Variants in THSD7A observed in about 807,000 individuals in gnomAD.
THSD7A encodes thrombospondin type-1 domain-containing protein 7A.
A neutral mutation model predicts 231.3 loss-of-function variants in THSD7A; 96 were observed. That is an observed-to-expected ratio of 0.41 (90% CI 0.35 to 0.49). THSD7A has a LOEUF of 0.49. THSD7A is among the 20% of genes least tolerant of loss of function. The pLI, the probability that THSD7A is intolerant of heterozygous loss-of-function variation, is 0.05. For missense variants in THSD7A, 2,290 were observed against 2,070.2 expected (o/e 1.11, Z -2.06); for synonymous variants, 940 against 743.3 (o/e 1.26, Z -4.30).
chr7:11,663,385 G>A (rs1480324579), intron 1 of THSD7A, among the ~76,000 whole-genome samples: 1 of 151,540 alleles, frequency 6.6e-6, no homozygotes, highest in Middle Eastern at 3.2e-3. Flanking sequence ...CAAGGAAAAT[G>A]TTTGGCCCTG....
At chr7:11,695,947 A>G (rs761056991) in intron 1 of THSD7A, among the ~76,000 whole-genome samples, 5 of 151,540 alleles carry the variant, frequency 3.3e-5, no homozygotes, top group Non-Finnish European at 7.4e-5. Context: ...CCCATGGTAA[A>G]TGATAATGAA....
chr7:11,636,009 G>A lies in THSD7A; in HGVS notation c.1022+121C>T, dbSNP rs984723825. The A allele has an allele frequency of 3.2e-5, 27 of 848,344 alleles. No homozygotes were observed. Among genetic ancestry groups the A allele is most frequent in the Non-Finnish European group, 3.8e-5 (22 of 573,160 alleles). The allele number at this position is 848,344 out of a possible 1,614,324, so 52.6% of individuals were successfully genotyped here. On this transcript the variant is annotated intron_variant, in intron 2 of 27. Coordinates refer to ENST00000423059, the MANE Select transcript of THSD7A (RefSeq NM_015204.3). The surrounding 1 kb of genome is among the most constrained non-coding windows in gnomAD (Gnocchi z 10.0). ...AAGCTCAGAAGCCTTAAATTTGGGG[G>A]TAGCTCATCCTAGGTTGTGCCCCTA...
chr7:11,772,636 C>A (rs913465697), intron 1 of THSD7A, among the ~76,000 whole-genome samples: 1 of 152,136 alleles, frequency 6.6e-6, no homozygotes, highest in East Asian at 1.9e-4. Flanking sequence ...TCTGTGCATT[C>A]TTACTTAAAA....
chr7:11,772,174 A>G (rs755452377), intron 1 of THSD7A, among the ~76,000 whole-genome samples: 1 of 151,724 alleles, frequency 6.6e-6, no homozygotes, highest in Non-Finnish European at 1.5e-5. Context: ...ACTATCTCAC[A>G]CCAGTCAGAA....
intron 23 of THSD7A, among the ~76,000 whole-genome samples, chr7:11,392,414 C>T (rs185706474): frequency 1.3e-3 from 194 of 152,302 alleles, no homozygotes; most frequent in African/African-American, 4.3e-3. Context: ...CGGGTGCCTA[C>T]ACCACCAGGG....
At chr7:11,595,151 G>A (rs1780313764) in intron 2 of THSD7A, among the ~76,000 whole-genome samples, 1 of 152,134 alleles carries the variant, frequency 6.6e-6, no homozygotes, top group Non-Finnish European at 1.5e-5. Flanking sequence ...GCAAGATAAT[G>A]TTGATTCTCC....
intron 1 of THSD7A, among the ~76,000 whole-genome samples, chr7:11,692,880 A>T (rs77651551): frequency 0.098 from 14,864 of 151,604 alleles, 912 homozygotes; most frequent in South Asian, 0.15. Context: ...TCAGGAGAAG[A>T]TTCTATGATC....
intron 23 of THSD7A, among the ~76,000 whole-genome samples, chr7:11,401,486 G>A (rs537771147): frequency 1.3e-3 from 197 of 152,072 alleles, no homozygotes; most frequent in African/African-American, 4.3e-3. Flanking sequence ...GTGCAATCTC[G>A]GCTCACTGCA....
chr7:11,818,471 C>T (rs1464054723), intron 1 of THSD7A, among the ~76,000 whole-genome samples: 5 of 152,140 alleles, frequency 3.3e-5, no homozygotes, highest in Admixed American at 6.6e-5. Context: ...TGTGTGTCAA[C>T]GGGAAGGTCA....
In THSD7A at chr7:11,641,382, A is replaced by AT. The variant is rs1424919108; in HGVS notation, c.191-4422dup. Among the ~76,000 whole-genome samples the AT allele has an allele frequency of 3.9e-5, 6 of 152,238 alleles. No homozygotes were observed. The East Asian group carries it at 1.2e-3, about 29-fold the overall frequency. On this transcript the variant is annotated intron_variant, in intron 1 of 27. Transcript: ENST00000423059. ...TAGATCTTAATATCCCAGGCATTATATTTTTGATGTCAGTGCCAGCGGGAA... is the reference window on the plus strand; with the variant it reads ...TAGATCTTAATATCCCAGGCATTATATTTTTTGATGTCAGTGCCAGCGGGAA...
chr7:11,430,559 CAA>C (rs1325164899), intron 13 of THSD7A, among the ~76,000 whole-genome samples: 1 of 152,098 alleles, frequency 6.6e-6, no homozygotes, highest in African/African-American at 2.4e-5. Flanking sequence ...CTCCTGCACT[CAA>C]GAGATCCTCC....
chr7:11,523,543 T>C (rs1788352553), intron 6 of THSD7A, among the ~76,000 whole-genome samples: 1 of 151,872 alleles, frequency 6.6e-6, no homozygotes, highest in Non-Finnish European at 1.5e-5. Context: ...TGACAAAAAA[T>C]TACAAAAAAC....
chr7:11,605,702 A>G (rs575399500), intron 2 of THSD7A, among the ~76,000 whole-genome samples: 1 of 152,276 alleles, frequency 6.6e-6, no homozygotes, highest in Admixed American at 6.5e-5. Context: ...ATTTATTACC[A>G]CATATTAGGC....
chr7:11,414,323 G>T (rs2115390495), intron 17 of THSD7A, among the ~76,000 whole-genome samples: 1 of 152,340 alleles, frequency 6.6e-6, no homozygotes, highest in Admixed American at 6.5e-5. Context: ...TCATGCTAAT[G>T]CCACCATTTT....
intron 2 of THSD7A, among the ~76,000 whole-genome samples, chr7:11,595,314 A>T (rs763849090): frequency 1.3e-5 from 2 of 152,110 alleles, no homozygotes; most frequent in Non-Finnish European, 2.9e-5. Flanking sequence ...TATAAACAGA[A>T]ATCTGCAGAA....
At chr7:11,630,964 C>G (rs1312122275) in intron 2 of THSD7A, among the ~76,000 whole-genome samples, 1 of 152,160 alleles carries the variant, frequency 6.6e-6, no homozygotes, top group East Asian at 1.9e-4. Context: ...CTCCCTACTC[C>G]TCCTCCATTC....
intron 6 of THSD7A, among the ~76,000 whole-genome samples, chr7:11,509,677 C>T (rs1787710012): frequency 2.0e-5 from 3 of 151,206 alleles, no homozygotes; most frequent in Admixed American, 2.0e-4. Flanking sequence ...AAAAAATTAG[C>T]CGGGCGCAGT....
chr7:11,439,153 AAT>A (rs1167574880), intron 13 of THSD7A, among the ~76,000 whole-genome samples: 2 of 151,966 alleles, frequency 1.3e-5, no homozygotes, highest in African/African-American at 4.8e-5. Context: ...TTGATTTTTT[AAT>A]AGTGTTCAGC....
chr7:11,396,461 G>A (rs569548649), intron 23 of THSD7A, among the ~76,000 whole-genome samples: 4 of 152,196 alleles, frequency 2.6e-5, no homozygotes, highest in Non-Finnish European at 4.4e-5. Context: ...TATCATCACC[G>A]ATCCCACAGA....
Sources: gnomAD v4.1 joint callset for allele counts (sites outside exome capture counted in the v4.1 genomes callset) on GRCh38, gnomAD v4.1.1 for gene constraint, Gnocchi (gnomAD v3.1) non-coding constraint, MANE v1.5 for transcripts, NCBI Gene and HGNC (gene_info 2026-07-23, HGNC 2026-07-21) for gene names.